The following PHF24 variants were observed in gnomAD, a reference collection of about 807,000 sequenced individuals.
PHF24 encodes PHD finger protein 24.
In PHF24, 25 loss-of-function variants were observed where a neutral mutation model predicts 42.6. That is an observed-to-expected ratio of 0.59 (90% CI 0.43 to 0.82). PHF24 has a LOEUF of 0.82. Among genes scored for constraint, PHF24 ranks in the 40% least tolerant of loss-of-function variants. The pLI, the probability that PHF24 is intolerant of heterozygous loss-of-function variation, is 0.00. For missense variants in PHF24, 470 were observed against 538.1 expected, an observed-to-expected ratio of 0.87 and a Z score of 1.25; for synonymous variants, 185 against 204.8, an observed-to-expected ratio of 0.90 and a Z score of 0.83.
chr9:34,882,533 A>G, the PHF24 span, among the ~76,000 whole-genome samples: 4 of 152,190 alleles, frequency 2.6e-5, no homozygotes, highest in African/African-American at 9.7e-5. Flanking sequence ...TACAAAATCA[A>G]TACGCAAAAA....
chr9:34,866,712 A>G, the PHF24 span, among the ~76,000 whole-genome samples: 4 of 152,134 alleles, frequency 2.6e-5, no homozygotes, highest in African/African-American at 7.2e-5. Flanking sequence ...TGGTCTGCCT[A>G]TTTTCCAGGG....
chr9:34,948,954 T>C, the PHF24 span, among the ~76,000 whole-genome samples: 51 of 152,214 alleles, frequency 3.4e-4, no homozygotes, highest in African/African-American at 1.2e-3. Flanking sequence ...AGCCACATTA[T>C]ATAATGATAA....
chr9:34,833,914 G>C, the PHF24 span: 1 of 1,538,654 alleles, frequency 6.5e-7, no homozygotes, highest in Non-Finnish European at 8.8e-7. Flanking sequence ...GGGCCCTGGG[G>C]AGCGCCACAT....
chr9:34,944,433 C>T, the PHF24 span, among the ~76,000 whole-genome samples: 1 of 152,156 alleles, frequency 6.6e-6, no homozygotes, highest in Non-Finnish European at 1.5e-5. Context: ...GTATTTAACC[C>T]TAAGTTTTTG....
chr9:34,793,210 A>T, the PHF24 span, among the ~76,000 whole-genome samples: 4 of 152,188 alleles, frequency 2.6e-5, no homozygotes, highest in South Asian at 2.1e-4. Context: ...AAGACTTTCC[A>T]AGCAGGAAGG....
the PHF24 span, among the ~76,000 whole-genome samples, chr9:34,669,182 C>T: frequency 1.3e-5 from 2 of 152,180 alleles, no homozygotes; most frequent in African/African-American, 4.8e-5. Flanking sequence ...CATGTGTTGT[C>T]AGAACCTCCT....
At chr9:34,849,092 A>C in the PHF24 span, among the ~76,000 whole-genome samples, 3 of 152,132 alleles carry the variant, frequency 2.0e-5, no homozygotes, top group Admixed American at 2.0e-4. Flanking sequence ...TTTGGTGTGG[A>C]GAATTCTGTA....
intron 3 of PHF24, among the ~76,000 whole-genome samples, chr9:34,972,787 G>A (rs531343685): frequency 3.2e-4 from 49 of 151,998 alleles, no homozygotes; most frequent in South Asian, 8.3e-4. Context: ...GGTGGCACGC[G>A]CCTGTAGTCC....
the PHF24 span, among the ~76,000 whole-genome samples, chr9:34,800,714 C>T: frequency 6.6e-6 from 1 of 152,154 alleles, no homozygotes; most frequent in Admixed American, 6.5e-5. Context: ...CCATAAAAAC[C>T]CTAGAAGAAA....
intron 1 of PHF24, among the ~76,000 whole-genome samples, chr9:34,969,596 G>A (rs988755903): frequency 2.7e-5 from 4 of 149,828 alleles, no homozygotes; most frequent in African/African-American, 7.4e-5. Flanking sequence ...AGCCAAGATC[G>A]TGCCACTGCA....
At chr9:34,696,533 A>G in the PHF24 span, among the ~76,000 whole-genome samples, 1 of 151,772 alleles carries the variant, frequency 6.6e-6, no homozygotes, top group Non-Finnish European at 1.5e-5. Flanking sequence ...TTCTAACTCA[A>G]ATGGAAGTCT....
the PHF24 span, among the ~76,000 whole-genome samples, chr9:34,735,020 A>G: frequency 6.6e-6 from 1 of 152,178 alleles, no homozygotes; most frequent in African/African-American, 2.4e-5. Flanking sequence ...GACTAGACTG[A>G]ATCAATCTCC....
At chr9:34,849,590 A>G in the PHF24 span, among the ~76,000 whole-genome samples, 1 of 152,096 alleles carries the variant, frequency 6.6e-6, no homozygotes, top group Non-Finnish European at 1.5e-5. Context: ...TGGAGCATTT[A>G]GTCCATTTAC....
At chr9:34,916,699 T>C in the PHF24 span, among the ~76,000 whole-genome samples, 1 of 152,342 alleles carries the variant, frequency 6.6e-6, no homozygotes, top group East Asian at 1.9e-4. Flanking sequence ...AGTTATACCA[T>C]GAGAAGGTAA....
the PHF24 span, chr9:34,726,143 C>G: frequency 5.2e-6 from 7 of 1,343,788 alleles, 1 homozygote; most frequent in South Asian, 4.0e-5. Context: ...GATGGGCTGG[C>G]CAGCCACACA....
At chr9:34,824,820 G>A in the PHF24 span, among the ~76,000 whole-genome samples, 19 of 152,308 alleles carry the variant, frequency 1.2e-4, no homozygotes, top group East Asian at 2.9e-3. Flanking sequence ...GCTAGGGAAG[G>A]TAGGCATTAA....
the PHF24 span, among the ~76,000 whole-genome samples, chr9:34,694,644 C>T: frequency 0.55 from 82,845 of 151,836 alleles, 24,132 homozygotes; most frequent in African/African-American, 0.75. Context: ...AATTTTTGTA[C>T]TTTTAATACA....
chr9:34,809,947 G>C, the PHF24 span, among the ~76,000 whole-genome samples: 1 of 151,070 alleles, frequency 6.6e-6, no homozygotes, highest in African/African-American at 2.4e-5. The surrounding 1 kb of genome is among the most constrained non-coding windows in gnomAD (Gnocchi z 4.1). Flanking sequence ...GCGCGGGGCG[G>C]AACGCAGCGC....
At chr9:34,779,003 G>C in the PHF24 span, among the ~76,000 whole-genome samples, 1 of 152,032 alleles carries the variant, frequency 6.6e-6, no homozygotes, top group African/African-American at 2.4e-5. Flanking sequence ...ACAACATACT[G>C]CTAAATAAAC....
Sources: allele counts gnomAD v4.1 joint callset (sites outside exome capture counted in the v4.1 genomes callset), GRCh38; gene constraint gnomAD v4.1.1; non-coding constraint Gnocchi (gnomAD v3.1); transcripts MANE v1.5; gene names NCBI Gene and HGNC (gene_info 2026-07-23, HGNC 2026-07-21).